LMLN: variants seen among roughly 807,000 people sequenced by gnomAD.
LMLN encodes leishmanolysin-like peptidase.
A neutral mutation model predicts 92.3 loss-of-function variants in LMLN; 70 were observed. That is an observed-to-expected ratio of 0.76 (90% CI 0.63 to 0.92). The LOEUF is 0.92. Ranked by LOEUF, LMLN falls within the 40% of genes least tolerant of loss-of-function variation. LMLN has a pLI of 0.00. For missense variants in LMLN, 691 were observed against 814.6 expected (o/e 0.85, Z 1.85); for synonymous variants, 308 against 296.2 (o/e 1.04, Z -0.41).
At chr3:198,017,801 G>A (rs1722680562) in intron 11 of LMLN, among the ~76,000 whole-genome samples, 1 of 151,974 alleles carries the variant, frequency 6.6e-6, no homozygotes, top group African/African-American at 2.4e-5. Flanking sequence ...CCTGTAGTCC[G>A]AGCTACTTGG....
intron 11 of LMLN, among the ~76,000 whole-genome samples, chr3:198,012,592 A>G (rs982769584): frequency 1.3e-5 from 2 of 151,546 alleles, no homozygotes; most frequent in Non-Finnish European, 2.9e-5. Context: ...AGAGCCTCCT[A>G]ACGAGTCTGA....
intron 13 of LMLN, among the ~76,000 whole-genome samples, chr3:198,023,478 C>G (rs535191583): frequency 1.3e-5 from 2 of 152,238 alleles, no homozygotes; most frequent in East Asian, 3.9e-4. Flanking sequence ...CTTGAGCCAC[C>G]ACATCCAGCC....
At chr3:197,976,943 G>A (rs1360055203) in intron 5 of LMLN, among the ~76,000 whole-genome samples, 1 of 152,084 alleles carries the variant, frequency 6.6e-6, no homozygotes, top group Non-Finnish European at 1.5e-5. Flanking sequence ...GTTTATCTTG[G>A]TCTGCTGAAT....
chr3:198,020,361 A>C (rs950854748), intron 12 of LMLN, among the ~76,000 whole-genome samples: 2 of 152,210 alleles, frequency 1.3e-5, no homozygotes, highest in African/African-American at 4.8e-5. Context: ...CCTGCCATTT[A>C]TAAAGGAACC....
intron 14 of LMLN, among the ~76,000 whole-genome samples, chr3:198,026,370 G>T (rs748508537): frequency 3.9e-5 from 6 of 152,052 alleles, no homozygotes; most frequent in Non-Finnish European, 7.3e-5. Context: ...CCAGGCTGGA[G>T]TGCAGTGGTG....
chr3:198,013,906 T>C (rs1369244040), intron 11 of LMLN, among the ~76,000 whole-genome samples: 2 of 122,690 alleles, frequency 1.6e-5, no homozygotes, highest in Admixed American at 1.6e-4. Flanking sequence ...GACTTCTCTG[T>C]ACCCTTCAGA....
chr3:197,976,443 A>G (rs1339958851), intron 4 of LMLN, 155 bp from the exon 5 acceptor site: 10 of 542,616 alleles, frequency 1.8e-5, no homozygotes, highest in Non-Finnish European at 1.3e-5. Flanking sequence ...AGGATTTCCT[A>G]TAGAACCCAA....
Position 198,018,020 on chromosome 3 carries a change from G to A in LMLN, c.1233-1233G>A, listed in dbSNP as rs925286901. On this transcript the variant is annotated intron_variant, in intron 11 of 15. Transcript: ENST00000330198. ...GCAGCACAGATGTACACCTTTTCCC[G>A]CTCTCTTGACAGTGCTTCTCTGGAA... Among the ~76,000 whole-genome samples the A allele has an allele frequency of 7.2e-5, 11 of 152,244 alleles. No homozygotes were observed. In the South Asian group the frequency reaches 2.3e-3, roughly 32 times the overall value.
chr3:198,032,960 G>C (rs1005200737), intron 14 of LMLN, among the ~76,000 whole-genome samples: 1 of 152,132 alleles, frequency 6.6e-6, no homozygotes, highest in Non-Finnish European at 1.5e-5. Context: ...ACCAGGTGTG[G>C]CTGTGGCAGT....
intron 10 of LMLN, 27 bp from the exon 11 acceptor site, chr3:197,999,239 T>G (rs750493953): frequency 1.3e-6 from 2 of 1,540,578 alleles, no homozygotes; most frequent in Non-Finnish European, 1.8e-6. Context: ...GAATCTAGTC[T>G]AATTAAACCC....
Position 198,019,133 on chromosome 3 carries a change from T to C in LMLN, c.1233-120T>C, listed in dbSNP as rs1282900320. The C allele has an allele frequency of 2.0e-5, 19 of 963,512 alleles. No individual in the cohort carries two copies. Among genetic ancestry groups the C allele is most frequent in the Non-Finnish European group, 2.7e-5 (18 of 661,130 alleles). 59.7% of individuals were successfully genotyped at this position (963,512 alleles called of 1,614,324 possible). On this transcript the variant is annotated intron_variant, in intron 11 of 15. Coordinates refer to ENST00000330198, the Ensembl canonical transcript of LMLN. The surrounding 1 kb of genome is among the most constrained non-coding windows in gnomAD (Gnocchi z 5.5). ...TCCATCTCTTTCCAAGAATCCCATTTGTTAATTATGAAGGTTTGTATTTTT... is the reference window on the plus strand; with the variant it reads ...TCCATCTCTTTCCAAGAATCCCATTCGTTAATTATGAAGGTTTGTATTTTT...
intron 1 of LMLN, among the ~76,000 whole-genome samples, chr3:197,965,657 A>AT (rs1721037805): frequency 1.3e-5 from 2 of 152,220 alleles, no homozygotes; most frequent in African/African-American, 2.4e-5. Context: ...ACTCATGCCT[A>AT]TAAGTCTAGC....
At chr3:197,975,621 A>G (rs1046945253) in intron 3 of LMLN, among the ~76,000 whole-genome samples, 12 of 152,238 alleles carry the variant, frequency 7.9e-5, no homozygotes, top group African/African-American at 2.9e-4. Context: ...AACATAAACT[A>G]TCTTAGTGTT....
exon 16 of LMLN, chr3:198,041,551 A>T (rs1428949351): frequency 6.6e-6 from 1 of 152,216 alleles, no homozygotes; most frequent in Non-Finnish European, 1.5e-5. Flanking sequence ...AAATCCAAAA[A>T]AAAGTCTGAA....
chr3:198,013,631 T>G (rs1288476537), intron 11 of LMLN, among the ~76,000 whole-genome samples: 1 of 128,732 alleles, frequency 7.8e-6, no homozygotes. Flanking sequence ...GCCTCCTAAC[T>G]AGTCTGACTT....
intron 9 of LMLN, among the ~76,000 whole-genome samples, chr3:197,992,927 T>C (rs1721916660): frequency 6.6e-6 from 1 of 152,106 alleles, no homozygotes; most frequent in Non-Finnish European, 1.5e-5. Context: ...GTTAAATAGG[T>C]CATCCATCAT....
intron 1 of LMLN, among the ~76,000 whole-genome samples, chr3:197,969,005 A>G (rs1198322423): frequency 1.3e-5 from 2 of 152,044 alleles, no homozygotes; most frequent in African/African-American, 2.4e-5. Flanking sequence ...ACATTCCTTT[A>G]TGATCATCTC....
chr3:198,024,703 T>A (rs1359461495), exon 14 of LMLN: 1 of 1,611,814 alleles, frequency 6.2e-7, no homozygotes, highest in Non-Finnish European at 8.5e-7. Flanking sequence ...CCTCATTCCG[T>A]TTGTCTAATT....
chr3:198,021,338 A>G lies in LMLN; in HGVS notation c.1366-108A>G, dbSNP rs145880718. The G allele has an allele frequency of 1.7e-5, 15 of 862,032 alleles. No individual in the cohort carries two copies. In the African/African-American group the frequency reaches 2.5e-4, roughly 14 times the overall value. The allele number at this position is 862,032 out of a possible 1,614,324, so 53.4% of individuals were successfully genotyped here. On this transcript the variant is annotated intron_variant, in intron 12 of 15. Coordinates refer to ENST00000330198, the Ensembl canonical transcript of LMLN. The stretch of plus-strand genomic sequence containing the variant: ...CATTGATGAAGAAAGGTACATTAGT[A>G]TCTTGTGTTATGTGGCATTAAAGGG...
Sources: allele counts gnomAD v4.1 joint callset (sites outside exome capture counted in the v4.1 genomes callset), GRCh38; gene constraint gnomAD v4.1.1; non-coding constraint Gnocchi (gnomAD v3.1); transcripts MANE v1.5; gene names NCBI Gene and HGNC (gene_info 2026-07-23, HGNC 2026-07-21).